The following HIGD1A variants were observed in gnomAD, a reference collection of about 807,000 sequenced individuals.
The protein encoded by HIGD1A is HIG1 hypoxia inducible domain family member 1A, also known as HIG1 domain family member 1A, mitochondrial.
HIGD1A carries 8 observed loss-of-function variants against 11.3 expected under a neutral mutation model. That is an observed-to-expected ratio of 0.71 (90% CI 0.42 to 1.28). The LOEUF (loss-of-function observed/expected upper bound fraction) is 1.28. Ranked by LOEUF, HIGD1A falls within the 50% of genes most tolerant of loss-of-function variation. The probability of loss-of-function intolerance (pLI) is 0.01; values close to 1 mark genes in which losing one functional copy is unlikely to be tolerated. For missense variants in HIGD1A, 107 were observed against 118.8 expected, an observed-to-expected ratio of 0.90 and a Z score of 0.46; for synonymous variants, 32 against 38.4, an observed-to-expected ratio of 0.83 and a Z score of 0.62.
At chr3:42,795,734 AAAG>A (rs1170189518) in intron 1 of HIGD1A, among the ~76,000 whole-genome samples, 2 of 152,132 alleles carry the variant, frequency 1.3e-5, no homozygotes, top group East Asian at 1.9e-4. Flanking sequence ...AAAAAAAAAA[AAAG>A]GATTCATTTT....
chr3:42,794,102 C>T, intron 2 of HIGD1A, 55 bp downstream of exon 2: 1 of 1,533,022 alleles, frequency 6.5e-7, no homozygotes, highest in Non-Finnish European at 8.7e-7. Flanking sequence ...GCTAAATGAA[C>T]AAATTATCAC....
chr3:42,794,397 A>G (rs6764909), intron 1 of HIGD1A, 122 bp from the exon 2 acceptor site: 487,186 of 932,058 alleles, frequency 0.52, 130,165 homozygotes, highest in Non-Finnish European at 0.54. Flanking sequence ...CCATAATCCT[A>G]AAGTTAAAAA....
chr3:42,790,007 C>G (rs1700402771), intron 2 of HIGD1A, among the ~76,000 whole-genome samples: 1 of 151,978 alleles, frequency 6.6e-6, no homozygotes, highest in Non-Finnish European at 1.5e-5. Flanking sequence ...CAGGAATGAG[C>G]CAAAGTGCTC....
chr3:42,787,464 C>T (rs539147904), intron 2 of HIGD1A, among the ~76,000 whole-genome samples: 5 of 151,572 alleles, frequency 3.3e-5, no homozygotes, highest in African/African-American at 1.2e-4. Flanking sequence ...TGGTGGCATG[C>T]GCCTGTAATC....
chr3:42,786,259 CT>C, intron 2 of HIGD1A, 97 bp from the exon 3 acceptor site: 2 of 1,348,276 alleles, frequency 1.5e-6, no homozygotes, highest in Non-Finnish European at 2.0e-6. Flanking sequence ...TATGAGGATT[CT>C]TTATCAGATC....
Position 42,783,105 on chromosome 3 carries a change from A to G in HIGD1A, c.*2166T>C, listed in dbSNP as rs1026649926. On this transcript the variant is annotated 3_prime_UTR_variant, in exon 4 of 4. Coordinates refer to ENST00000321331, the MANE Select transcript of HIGD1A (RefSeq NM_014056.4). ...TCAGCTGACCAAGAGATTAATGGGA[A>G]TGTTTTGAGTTTCAAATACATTTAA... is the stretch of plus-strand genomic sequence containing the variant. 6.6e-6 allele frequency among the ~76,000 whole-genome samples: 1 copy of G among 152,226 alleles called. No homozygotes were observed. Among genetic ancestry groups the G allele is most frequent in the African/African-American group, 2.4e-5 (1 of 41,456 alleles).
In HIGD1A at chr3:42,784,355, T is replaced by G. The variant is rs1375170305; in HGVS notation, c.*916A>C. ...CATATACCATGTTAACACCATGGAA[T>G]GCAAATTCAGATTAGACAAGAGAAT... On this transcript the variant is annotated 3_prime_UTR_variant, in exon 4 of 4. Transcript: ENST00000321331. The G allele has an allele frequency of 2.0e-5, 3 of 152,232 alleles. No individual in the cohort carries two copies. The highest frequency in any genetic ancestry group is 2.9e-5 in the Non-Finnish European group (2 of 68,024). The allele number at this position is 152,232 out of a possible 1,614,324, so 9.4% of individuals were successfully genotyped here.
At chr3:42,788,814 G>C (rs1481586343) in intron 2 of HIGD1A, among the ~76,000 whole-genome samples, 1 of 151,700 alleles carries the variant, frequency 6.6e-6, no homozygotes, top group Non-Finnish European at 1.5e-5. Flanking sequence ...GGAGGCAGAG[G>C]CTGCAGTGAG....
chr3:42,790,866 C>T lies in HIGD1A; in HGVS notation c.97+3291G>A, dbSNP rs962437330. ...CCCAGACTAGAGTTCAGTGGGTATTCGCAGGCATGATCATTATACACTACA... is the reference window on the plus strand; with the variant it reads ...CCCAGACTAGAGTTCAGTGGGTATTTGCAGGCATGATCATTATACACTACA... On this transcript the variant is annotated intron_variant, in intron 2 of 3. Transcript: ENST00000321331. 5.3e-5 allele frequency among the ~76,000 whole-genome samples: 8 copies of T among 152,216 alleles called. No individual in the cohort carries two copies. In the South Asian group the frequency reaches 1.0e-3, roughly 20 times the overall value.
At chr3:42,787,221 C>T (rs1700362582) in intron 2 of HIGD1A, among the ~76,000 whole-genome samples, 1 of 151,894 alleles carries the variant, frequency 6.6e-6, no homozygotes, top group African/African-American at 2.4e-5. Context: ...GAAAAAAACA[C>T]ATCCTAGTTT....
At chr3:42,802,260 A>G (rs1236674003) in intron 1 of HIGD1A, among the ~76,000 whole-genome samples, 1 of 151,830 alleles carries the variant, frequency 6.6e-6, no homozygotes, top group Non-Finnish European at 1.5e-5. Flanking sequence ...TTCTTCATCT[A>G]TGATACAGAC....
intron 2 of HIGD1A, 77 bp from the exon 3 acceptor site, chr3:42,786,239 C>A: frequency 1.4e-6 from 2 of 1,432,136 alleles, no homozygotes; most frequent in Non-Finnish European, 1.9e-6. Context: ...AATGTACATT[C>A]TATTATTTTT....
intron 3 of HIGD1A, 105 bp downstream of exon 3, chr3:42,785,923 T>C (rs1411901926): frequency 1.0e-6 from 1 of 975,156 alleles, no homozygotes; most frequent in Non-Finnish European, 1.6e-6. Context: ...GTATAAGTGA[T>C]ATTCTCCAAC....
chr3:42,792,615 A>G (rs184850884), intron 2 of HIGD1A, among the ~76,000 whole-genome samples: 84 of 150,900 alleles, frequency 5.6e-4, no homozygotes, highest in African/African-American at 2.0e-3. Context: ...CGGAGCTTGC[A>G]GTGAGCCAAG....
chr3:42,794,257 G>A lies in HIGD1A; in HGVS notation c.-4C>T, dbSNP rs752248148. ...AAACACCTGTGTCTGTTGACATAGT[G>A]ATTGCTTGAAGAATCTCCCTGAGAA... On this transcript the variant is annotated 5_prime_UTR_variant, in exon 2 of 4. Transcript: ENST00000321331. 1 of 1,587,174 alleles carries A rather than the reference G, an allele frequency of 6.3e-7. No homozygotes were observed. The highest frequency in any genetic ancestry group is 8.5e-7 in the Non-Finnish European group (1 of 1,171,674).
intron 2 of HIGD1A, among the ~76,000 whole-genome samples, chr3:42,793,495 T>G (rs1384483715): frequency 6.6e-6 from 1 of 152,228 alleles, no homozygotes; most frequent in Non-Finnish European, 1.5e-5. Flanking sequence ...TAGAATTTTG[T>G]GTCTGGTTTA....
chr3:42,799,679 C>T (rs1172225215), intron 1 of HIGD1A, among the ~76,000 whole-genome samples: 1 of 151,708 alleles, frequency 6.6e-6, no homozygotes, highest in Non-Finnish European at 1.5e-5. Flanking sequence ...TGGTCTCAAA[C>T]TCCTGGCCCC....
At chr3:42,804,389 C>T (rs1483407371) in intron 1 of HIGD1A, 47 bp downstream of exon 1, 8 of 532,104 alleles carry the variant, frequency 1.5e-5, no homozygotes, top group East Asian at 3.4e-5. Flanking sequence ...CTTCCCGCCC[C>T]GCGGCCCGAG....
chr3:42,787,174 G>A (rs1208397773), intron 2 of HIGD1A, among the ~76,000 whole-genome samples: 1 of 151,904 alleles, frequency 6.6e-6, no homozygotes, highest in African/African-American at 2.4e-5. Context: ...AGGTCTTAGG[G>A]AATAAATTTA....
Sources: allele counts gnomAD v4.1 joint callset (sites outside exome capture counted in the v4.1 genomes callset), GRCh38; gene constraint gnomAD v4.1.1; transcripts MANE v1.5; gene names NCBI Gene and HGNC (gene_info 2026-07-23, HGNC 2026-07-21).